DNTTIP1: variants seen among roughly 807,000 people sequenced by gnomAD.
The protein encoded by DNTTIP1 is deoxynucleotidyltransferase terminal interacting protein 1, also known as deoxynucleotidyltransferase terminal-interacting protein 1.
DNTTIP1 carries 22 observed loss-of-function variants against 52.9 expected under a neutral mutation model. The ratio of observed to expected loss-of-function variants is 0.42; its 90% CI spans 0.30 to 0.59. The LOEUF (loss-of-function observed/expected upper bound fraction) is 0.59, where lower values mean the gene tolerates loss of function less well. Ranked by LOEUF, DNTTIP1 falls within the 20% of genes least tolerant of loss-of-function variation. The pLI is 0.22. For synonymous variants in DNTTIP1, 136 were observed against 155.1 expected, an observed-to-expected ratio of 0.88 and a Z score of 0.92; for missense variants, 286 against 435.5, an observed-to-expected ratio of 0.66 and a Z score of 3.06.
chr20:45,794,519 A>G (rs1158421810), intron 3 of DNTTIP1, among the ~76,000 whole-genome samples: 2 of 151,752 alleles, frequency 1.3e-5, no homozygotes, highest in Non-Finnish European at 2.9e-5. Flanking sequence ...TTTTTTTTTA[A>G]AATCTGCCCT....
At chr20:45,794,786 T>TAAA (rs776136479) in intron 3 of DNTTIP1, among the ~76,000 whole-genome samples, 1 of 124,356 alleles carries the variant, frequency 8.0e-6, no homozygotes, top group Non-Finnish European at 1.7e-5. Flanking sequence ...TCATCTCTAC[T>TAAA]AAAAAAAAAA....
At chr20:45,796,387 C>CAAA in intron 4 of DNTTIP1, 6 of 371,440 alleles carry the variant, frequency 1.6e-5, no homozygotes, top group East Asian at 7.8e-5. Context: ...AAAAGCAAAG[C>CAAA]AAAAAAAAAA....
In DNTTIP1 at chr20:45,803,332, G is replaced by A; in HGVS notation, c.558-1G>A. ...CACCTTTATTCTTTCCTTCCAAGCA[G>A]ATGGAAACCAAAATCCTGTGAACCA... On this transcript the variant is annotated splice_acceptor_variant, in intron 7 of 12. Transcript: ENST00000372622. LOFTEE classifies it high-confidence loss of function. 2 of 1,614,160 alleles carry A rather than the reference G, an allele frequency of 1.2e-6. No homozygotes were observed. The highest frequency in any genetic ancestry group is 8.5e-7 in the Non-Finnish European group (1 of 1,180,024).
chr20:45,792,844 G>C (rs546942081), intron 2 of DNTTIP1, 97 bp downstream of exon 2: 1 of 1,099,958 alleles, frequency 9.1e-7, no homozygotes, highest in South Asian at 1.6e-5. Flanking sequence ...TCTACAGCCG[G>C]TAGAAAGAGC....
Position 45,800,695 on chromosome 20 carries a change from ATATATAT to A in DNTTIP1, c.373-378_373-372del, listed in dbSNP as rs1484109863. 3.0e-3 allele frequency among the ~76,000 whole-genome samples: 27 copies of A among 9,088 alleles called. 2 individuals are homozygous for A. Among genetic ancestry groups the A allele is most frequent in the Non-Finnish European group, 4.2e-3 (14 of 3,334 alleles). 6.0% of individuals were successfully genotyped at this position (9,088 alleles called of 152,430 possible). A position where few individuals can be genotyped will look rare whatever the true frequency, so the allele number is the denominator to read the frequency against. On this transcript the variant is annotated intron_variant, in intron 4 of 12. Coordinates refer to ENST00000372622, the MANE Select transcript of DNTTIP1 (RefSeq NM_052951.3). ...ATCTCAATTTAAAAAAAAAAAAAAAATATATATATATATATATATATATATATATATA... is the reference window on the plus strand; with the variant it reads ...ATCTCAATTTAAAAAAAAAAAAAAAAATATATATATATATATATATATATA...
intron 2 of DNTTIP1, among the ~76,000 whole-genome samples, 167 bp downstream of exon 2, chr20:45,792,914 A>G (rs1431578713): frequency 3.3e-5 from 5 of 152,242 alleles, no homozygotes; most frequent in Non-Finnish European, 5.9e-5. Flanking sequence ...GAACTAGTCA[A>G]GTCACTTCCT....
At chr20:45,793,406 TAAC>T (rs1981109456) in intron 2 of DNTTIP1, among the ~76,000 whole-genome samples, 1 of 136,900 alleles carries the variant, frequency 7.3e-6, no homozygotes, top group Non-Finnish European at 1.5e-5. Flanking sequence ...CTACTAAAAA[TAAC>T]AAAAAATTGG....
chr20:45,794,314 A>G (rs900665874), intron 3 of DNTTIP1, among the ~76,000 whole-genome samples: 12 of 151,894 alleles, frequency 7.9e-5, no homozygotes, highest in African/African-American at 2.9e-4. Context: ...TTGCAGGGCT[A>G]ATTTTTGTAT....
chr20:45,798,223 A>G (rs1981306328), intron 4 of DNTTIP1, among the ~76,000 whole-genome samples: 2 of 152,100 alleles, frequency 1.3e-5, no homozygotes, highest in African/African-American at 4.8e-5. Flanking sequence ...TCAGCAAACT[A>G]TCACAAGGAC....
In DNTTIP1 at chr20:45,792,108, C is replaced by T; in HGVS notation, c.104C>T (p.Thr35Met). 1 of 1,277,940 alleles carries T rather than the reference C, an allele frequency of 7.8e-7. No homozygotes were observed. The highest frequency in any genetic ancestry group is 9.9e-7 in the Non-Finnish European group (1 of 1,009,296). 79.2% of individuals were successfully genotyped at this position (1,277,940 alleles called of 1,614,324 possible). The change falls in exon 1 of 13, where the codon ACG becomes ATG. Residue 35 changes from threonine (T) to methionine (M), a missense_variant and splice_region_variant. Physicochemically the swap from Thr to Met is moderately conservative, Grantham distance 81. Coordinates refer to ENST00000372622, the MANE Select transcript of DNTTIP1 (RefSeq NM_052951.3). ...DAGAAGQLVL[T>M]NPWNIMIKHR... ...GGCGCAGCGGGGCAGCTGGTTCTTA[C>T]GGTGAGGGCGCCCCCGGTGAGGTCT... is the stretch of plus-strand genomic sequence containing the variant.
At chr20:45,802,140 G>A (rs1452028323) in intron 7 of DNTTIP1, 83 bp downstream of exon 7, 2 of 1,461,194 alleles carry the variant, frequency 1.4e-6, no homozygotes, top group Middle Eastern at 2.0e-4. Flanking sequence ...CCAGGGTTCT[G>A]TGCCTGTCAA....
In DNTTIP1 at chr20:45,809,273, T is replaced by G; in HGVS notation, c.795+88T>G. On this transcript the variant is annotated intron_variant, in intron 11 of 12. Transcript: ENST00000372622. The surrounding 1 kb of genome is among the most constrained non-coding windows in gnomAD (Gnocchi z 4.2). ...CTGTGGGTGACAGCCTACCTCCAAA[T>G]CTGACTTCCAAAGCCTCACCAATGT... The G allele has an allele frequency of 8.6e-7, 1 of 1,168,476 alleles. No homozygotes were observed. Among genetic ancestry groups the G allele is most frequent in the South Asian group, 1.2e-5 (1 of 80,120 alleles). The allele number at this position is 1,168,476 out of a possible 1,614,324, so 72.4% of individuals were successfully genotyped here.
chr20:45,801,343 A>G lies in DNTTIP1; in HGVS notation c.442-59A>G, dbSNP rs73306481. 4,029 of 1,591,260 alleles carry G rather than the reference A, an allele frequency of 2.5e-3. 93 individuals carry two copies. The African/African-American group carries it at 0.048, about 19-fold the overall frequency. ...GTCCAGGGCTGTCTTCTGCAACTCC[A>G]GAAGACCTGCAGCTCCCAGGCACTG... On this transcript the variant is annotated intron_variant, in intron 5 of 12. Transcript: ENST00000372622.
Position 45,811,354 on chromosome 20 carries a change from C to T in DNTTIP1, c.*159C>T. The T allele has an allele frequency of 1.4e-6, 1 of 699,424 alleles. No homozygotes were observed. The highest frequency in any genetic ancestry group is 2.3e-6 in the Non-Finnish European group (1 of 442,104). The allele number at this position is 699,424 out of a possible 1,614,324, so 43.3% of individuals were successfully genotyped here. On this transcript the variant is annotated 3_prime_UTR_variant, in exon 13 of 13. Transcript: ENST00000372622. Reference sequence around the variant, plus strand: ...TCACTGCACAGCACCCCCAGACTAGCATGTGGTTCTATATTTGTAAAGTTA... The same window carrying T: ...TCACTGCACAGCACCCCCAGACTAGTATGTGGTTCTATATTTGTAAAGTTA...
chr20:45,805,843 G>A (rs6130937), intron 10 of DNTTIP1, among the ~76,000 whole-genome samples: 10,306 of 152,220 alleles, frequency 0.068, 587 homozygotes, highest in African/African-American at 0.15. Context: ...CAGCACTTTG[G>A]GAGGCCAAGG....
chr20:45,802,788 G>A (rs1447834596), intron 7 of DNTTIP1, among the ~76,000 whole-genome samples: 1 of 151,956 alleles, frequency 6.6e-6, no homozygotes, highest in Non-Finnish European at 1.5e-5. Flanking sequence ...AATCCTCTGT[G>A]TTCTGCCTGT....
intron 4 of DNTTIP1, among the ~76,000 whole-genome samples, chr20:45,799,042 A>G (rs1477299876): frequency 1.3e-5 from 2 of 152,248 alleles, no homozygotes; most frequent in Non-Finnish European, 2.9e-5. Context: ...GGAGAAGAGC[A>G]TGAATCCAAT....
chr20:45,806,031 G>C (rs1473649576), intron 10 of DNTTIP1, among the ~76,000 whole-genome samples: 1 of 136,226 alleles, frequency 7.3e-6, no homozygotes, highest in Non-Finnish European at 1.6e-5. Flanking sequence ...GTGGTGAGCC[G>C]AGATCACACT....
chr20:45,808,243 C>T (rs781417104), intron 10 of DNTTIP1, among the ~76,000 whole-genome samples: 1 of 152,068 alleles, frequency 6.6e-6, no homozygotes, highest in Non-Finnish European at 1.5e-5. Flanking sequence ...CTATTCAAGG[C>T]TGAAGCAGAA....
Sources: allele counts gnomAD v4.1 joint callset (sites outside exome capture counted in the v4.1 genomes callset), GRCh38; gene constraint gnomAD v4.1.1; non-coding constraint Gnocchi (gnomAD v3.1); transcripts MANE v1.5; gene names NCBI Gene and HGNC (gene_info 2026-07-23, HGNC 2026-07-21).